The following ADAM22 variants were observed in gnomAD, a reference collection of about 807,000 sequenced individuals.
The protein encoded by ADAM22 is ADAM metallopeptidase domain 22.
ADAM22 carries 65 observed loss-of-function variants against 144.6 expected under a neutral mutation model. The ratio of observed to expected loss-of-function variants is 0.45; its 90% confidence interval spans 0.37 to 0.55. ADAM22 has a LOEUF of 0.55. Among genes scored for constraint, ADAM22 ranks in the 20% least tolerant of loss-of-function variants. ADAM22 has a pLI of 0.00. For synonymous variants in ADAM22, 391 were observed against 412.6 expected (o/e 0.95, Z 0.63); for missense variants, 974 against 1,184.9 (o/e 0.82, Z 2.61).
chr7:88,078,522 G>A (rs1462717539), intron 4 of ADAM22, among the ~76,000 whole-genome samples: 1 of 152,266 alleles, frequency 6.6e-6, no homozygotes, highest in Non-Finnish European at 1.5e-5. Context: ...GTTGAGAGAA[G>A]AAGGCTTCAG....
intron 3 of ADAM22, among the ~76,000 whole-genome samples, chr7:88,051,901 G>A (rs1271707105): frequency 1.3e-5 from 2 of 151,434 alleles, no homozygotes; most frequent in African/African-American, 4.9e-5. Flanking sequence ...TTTTTATTTT[G>A]GTAAAATTAT....
rs1262642807 is a variant in ADAM22, at chr7:88,193,225, C to T, written c.2860C>T (p.Arg954Ter). ...TCCTGATGAGGACAAGAAAGTGAAC[C>T]GACAAAGTGCCAGGGTATGTGGAAA... ...PLPDEDKKVN[R>*]QSARLWETSI The change falls in exon 31 of 32, where the codon CGA becomes TGA. Residue 954 changes from arginine to a stop codon, truncating the protein, a stop_gained. Transcript: ENST00000413139. LOFTEE classifies it high-confidence loss of function. 6.2e-7 allele frequency: 1 copy of T among 1,613,868 alleles called. No homozygotes were observed. Among genetic ancestry groups the T allele is most frequent in the Non-Finnish European group, 8.5e-7 (1 of 1,179,860 alleles).
chr7:88,170,194 T>C (rs1272845668), intron 25 of ADAM22, among the ~76,000 whole-genome samples: 1 of 152,046 alleles, frequency 6.6e-6, no homozygotes, highest in African/African-American at 2.4e-5. Flanking sequence ...ACCTTGTGCA[T>C]ACTACAGTAT....
intron 3 of ADAM22, among the ~76,000 whole-genome samples, chr7:88,025,062 T>C (rs2129468003): frequency 6.6e-6 from 1 of 152,298 alleles, no homozygotes; most frequent in African/African-American, 2.4e-5. Context: ...TTTGGGTATA[T>C]ACCCAGTAAT....
At chr7:88,007,303 C>T (rs965773637) in intron 3 of ADAM22, among the ~76,000 whole-genome samples, 8 of 152,138 alleles carry the variant, frequency 5.3e-5, no homozygotes, top group African/African-American at 1.4e-4. Context: ...GAATCAATAT[C>T]GTGAAAATGG....
At chr7:87,983,163 T>C (rs998550093) in intron 3 of ADAM22, among the ~76,000 whole-genome samples, 1 of 152,158 alleles carries the variant, frequency 6.6e-6, no homozygotes, top group Admixed American at 6.5e-5. Context: ...TTCTTAGATA[T>C]TTTTGCCTCT....
At position 88,127,586 on chromosome 7, in the gene ADAM22, GT is replaced by G. The variant is rs3831545; in HGVS notation, c.679-1004del. ...TCCCTATCACCTTGGTGTTATAATA[GT>G]TTTTTTTTTTTAAGTTTTTAAGTTT... On this transcript the variant is annotated intron_variant, in intron 8 of 31. Coordinates refer to ENST00000413139, the MANE Select transcript of ADAM22 (RefSeq NM_001324418.2). 2.3e-3 allele frequency among the ~76,000 whole-genome samples: 335 copies of G among 145,338 alleles called. 3 individuals are homozygous for G. The highest frequency in any genetic ancestry group is 6.2e-3 in the African/African-American group (246 of 39,944).
chr7:88,065,978 G>A (rs780196653), intron 3 of ADAM22, among the ~76,000 whole-genome samples: 1 of 151,956 alleles, frequency 6.6e-6, no homozygotes, highest in Non-Finnish European at 1.5e-5. Flanking sequence ...CCTATATTTA[G>A]AGTTATTTTT....
chr7:88,106,753 A>G (rs187088518), intron 4 of ADAM22, among the ~76,000 whole-genome samples: 331 of 152,294 alleles, frequency 2.2e-3, no homozygotes, highest in African/African-American at 7.5e-3. Flanking sequence ...CAGATTCTCT[A>G]CAGTAGGTTG....
chr7:88,167,439 C>G (rs1233004971), intron 24 of ADAM22, among the ~76,000 whole-genome samples: 1 of 152,160 alleles, frequency 6.6e-6, no homozygotes, highest in African/African-American at 2.4e-5. Flanking sequence ...TCACTGTGTT[C>G]TGAGCTTCAA....
At chr7:88,064,786 C>G (rs761324336) in intron 3 of ADAM22, among the ~76,000 whole-genome samples, 5 of 152,132 alleles carry the variant, frequency 3.3e-5, no homozygotes, top group Non-Finnish European at 7.4e-5. Context: ...TTAATATCAT[C>G]CCCTTGAGGG....
At chr7:87,954,319 C>G (rs1846071895) in intron 2 of ADAM22, among the ~76,000 whole-genome samples, 2 of 151,888 alleles carry the variant, frequency 1.3e-5, no homozygotes, top group Non-Finnish European at 2.9e-5. Flanking sequence ...CCTTTAGGAG[C>G]TCTTTTAGGG....
chr7:88,193,710 T>C (rs559353194), intron 31 of ADAM22, among the ~76,000 whole-genome samples: 1 of 152,314 alleles, frequency 6.6e-6, no homozygotes, highest in South Asian at 2.1e-4. Flanking sequence ...TTGTGGTCAT[T>C]TACACTGTAA....
At chr7:88,117,241 A>G (rs1827990380) in intron 7 of ADAM22, among the ~76,000 whole-genome samples, 1 of 152,158 alleles carries the variant, frequency 6.6e-6, no homozygotes, top group South Asian at 2.1e-4. Flanking sequence ...TATTATCATT[A>G]TGTGTTATTT....
intron 27 of ADAM22, among the ~76,000 whole-genome samples, chr7:88,179,407 T>C (rs1404543680): frequency 6.6e-6 from 1 of 152,108 alleles, no homozygotes; most frequent in East Asian, 1.9e-4. Context: ...AAAAGGTTAC[T>C]GTCATGCTTC....
intron 3 of ADAM22, among the ~76,000 whole-genome samples, chr7:88,008,001 C>T (rs1443878269): frequency 6.6e-6 from 1 of 152,162 alleles, no homozygotes; most frequent in African/African-American, 2.4e-5. Context: ...ACCTACTCAT[C>T]TGACAAAGGG....
At chr7:87,979,544 G>A (rs1357412250) in intron 3 of ADAM22, among the ~76,000 whole-genome samples, 7 of 151,828 alleles carry the variant, frequency 4.6e-5, no homozygotes, top group African/African-American at 1.7e-4. Flanking sequence ...ATTTTTATAG[G>A]TCAAAAAAGT....
chr7:88,024,028 C>T (rs1254747155), intron 3 of ADAM22, among the ~76,000 whole-genome samples: 1 of 152,074 alleles, frequency 6.6e-6, no homozygotes, highest in Non-Finnish European at 1.5e-5. Flanking sequence ...AAATATCATT[C>T]TTTTTTATGG....
chr7:88,077,456 G>A (rs1349879863), intron 4 of ADAM22, among the ~76,000 whole-genome samples: 1 of 152,160 alleles, frequency 6.6e-6, no homozygotes, highest in Non-Finnish European at 1.5e-5. Context: ...TCCAACTGAG[G>A]TACCGGGTTC....
Sources: gnomAD v4.1 joint callset for allele counts (sites outside exome capture counted in the v4.1 genomes callset) on GRCh38, gnomAD v4.1.1 for gene constraint, MANE v1.5 for transcripts, NCBI Gene and HGNC (gene_info 2026-07-23, HGNC 2026-07-21) for gene names.